TAF4B: variants seen among roughly 807,000 people sequenced by gnomAD.
TAF4B encodes the protein transcription initiation factor TFIID subunit 4B.
Under a neutral mutation model 86.4 loss-of-function variants are expected in TAF4B, and 38 were observed. The observed-to-expected ratio is 0.44, with a 90% CI of 0.34 to 0.58. TAF4B has a LOEUF of 0.58. TAF4B is among the 20% of genes least tolerant of loss of function. TAF4B has a pLI of 0.02. For missense variants in TAF4B, 988 were observed against 1,027.6 expected (o/e 0.96, Z 0.53); for synonymous variants, 388 against 391.2 (o/e 0.99, Z 0.10).
At chr18:26,386,284 T>C (rs1978361554) in intron 14 of TAF4B, among the ~76,000 whole-genome samples, 1 of 152,186 alleles carries the variant, frequency 6.6e-6, no homozygotes, top group Non-Finnish European at 1.5e-5. Context: ...GACCCCTTTG[T>C]TCCTTACTCA....
intron 1 of TAF4B, among the ~76,000 whole-genome samples, chr18:26,237,455 A>G (rs963922261): frequency 5.3e-5 from 8 of 152,164 alleles, no homozygotes; most frequent in African/African-American, 1.9e-4. Flanking sequence ...CCCTTCCCCT[A>G]CAGCTTGAAG....
intron 1 of TAF4B, among the ~76,000 whole-genome samples, chr18:26,227,920 C>G (rs1258950031): frequency 6.6e-6 from 1 of 152,224 alleles, no homozygotes; most frequent in African/African-American, 2.4e-5. Context: ...TAATGCTGTT[C>G]CTGCACAATC....
rs12456302 is a variant in TAF4B at position 26,242,680 on chromosome 18, C to T, written c.343+15404C>T. 3.4e-3 allele frequency among the ~76,000 whole-genome samples: 513 copies of T among 152,214 alleles called. 8 individuals are homozygous for T. The highest frequency in any genetic ancestry group is 0.029 in the Admixed American group (443 of 15,292). On this transcript the variant is annotated intron_variant, in intron 1 of 14. Coordinates refer to ENST00000269142, the MANE Select transcript of TAF4B (RefSeq NM_005640.3). ...AGTTGATGCAGTTTCTTCCTAGCAT[C>T]GATGGTCTTTACAATTTGGCATGTT... is the stretch of plus-strand genomic sequence containing the variant.
intron 1 of TAF4B, among the ~76,000 whole-genome samples, chr18:26,237,008 G>A (rs2055759271): frequency 6.6e-6 from 1 of 152,116 alleles, no homozygotes; most frequent in Admixed American, 6.5e-5. Context: ...CCTGAGTTAT[G>A]GTGGACATCA....
intron 6 of TAF4B, 117 bp from the exon 7 acceptor site, chr18:26,285,765 G>A: frequency 7.8e-7 from 1 of 1,276,102 alleles, no homozygotes; most frequent in Non-Finnish European, 1.1e-6. Flanking sequence ...GTCTTCAACT[G>A]AAATACTTGA....
intron 14 of TAF4B, among the ~76,000 whole-genome samples, chr18:26,360,189 CTAAG>C (rs2057319193): frequency 6.6e-6 from 1 of 152,122 alleles, no homozygotes. Context: ...AAATTACCCT[CTAAG>C]TTGTATCAGT....
rs1329764179 is a variant in TAF4B, at chr18:26,327,023, A to G, written c.2142A>G (p.Glu714=). ...TTTCTTTTTTTTCCCAGGCAAGTGA[A>G]AATTACATCCTGTGTAGTGATACCA... is the stretch of plus-strand genomic sequence containing the variant. ...QHRMTTYKAS[E]NYILCSDTRS... is the part of the protein sequence containing the mutation. The change falls in exon 12 of 15, where the codon GAA becomes GAG. Residue 714 remains glutamate (E), a synonymous_variant. Transcript: ENST00000269142. 6.8e-6 allele frequency: 11 copies of G among 1,612,408 alleles called. No homozygotes were observed. Among genetic ancestry groups the G allele is most frequent in the Admixed American group, 1.7e-5 (1 of 59,888 alleles).
intron 3 of TAF4B, among the ~76,000 whole-genome samples, chr18:26,271,520 C>T (rs2056318798): frequency 1.3e-5 from 2 of 152,244 alleles, no homozygotes; most frequent in South Asian, 4.1e-4. Flanking sequence ...TACTTCAGTC[C>T]GTTTTCCTCC....
chr18:26,333,106 A>G (rs1339554972), intron 12 of TAF4B, among the ~76,000 whole-genome samples: 2 of 151,812 alleles, frequency 1.3e-5, no homozygotes, highest in African/African-American at 4.8e-5. Context: ...CTTCCCTACT[A>G]TCCTAGCTAC....
intron 1 of TAF4B, among the ~76,000 whole-genome samples, chr18:26,250,701 G>T (rs140763509): frequency 1.8e-4 from 27 of 152,022 alleles, no homozygotes; most frequent in Admixed American, 8.5e-4. Context: ...ATATTCTGTG[G>T]GTTTAGTTTT....
chr18:26,322,037 G>A (rs2144677734), intron 11 of TAF4B, among the ~76,000 whole-genome samples: 1 of 152,224 alleles, frequency 6.6e-6, no homozygotes, highest in South Asian at 2.1e-4. Flanking sequence ...GATTAGGGAT[G>A]AAAAGAGAAG....
chr18:26,246,525 C>T (rs549832625), intron 1 of TAF4B, among the ~76,000 whole-genome samples: 10 of 149,202 alleles, frequency 6.7e-5, no homozygotes, highest in South Asian at 2.1e-4. Flanking sequence ...AGTTATTAAT[C>T]TCATTGTTTT....
intron 12 of TAF4B, among the ~76,000 whole-genome samples, chr18:26,328,799 T>C (rs950167674): frequency 2.0e-5 from 3 of 151,952 alleles, no homozygotes; most frequent in African/African-American, 4.8e-5. Flanking sequence ...TTTTGTATTT[T>C]AGTAGTGACA....
chr18:26,231,018 G>GTGGTGTGTT (rs1235798996), intron 1 of TAF4B, among the ~76,000 whole-genome samples: 3 of 137,430 alleles, frequency 2.2e-5, no homozygotes, highest in Non-Finnish European at 3.2e-5. Context: ...TGACAAACTT[G>GTGGTGTGTT]TGGTGTGTTG....
At chr18:26,301,250 T>C (rs1000662614) in intron 9 of TAF4B, among the ~76,000 whole-genome samples, 7 of 152,058 alleles carry the variant, frequency 4.6e-5, no homozygotes, top group Non-Finnish European at 8.8e-5. Context: ...ATTGTAGTTA[T>C]TTTATTGTGT....
At chr18:26,234,906 C>T (rs542076209) in intron 1 of TAF4B, among the ~76,000 whole-genome samples, 2 of 152,232 alleles carry the variant, frequency 1.3e-5, no homozygotes, top group Non-Finnish European at 2.9e-5. Flanking sequence ...GTAGTCCAGA[C>T]AGTGAGATCC....
In TAF4B at chr18:26,286,385, G is replaced by T. The variant is rs3744961; in HGVS notation, c.1476G>T (p.Gly492=). Residue 492 remains glycine (G), a synonymous_variant, in exon 7 of 15, where the codon GGG becomes GGT. Coordinates refer to ENST00000269142, the MANE Select transcript of TAF4B (RefSeq NM_005640.3). ...TGAAACCTGTTGTTTCTTCTGCTGG[G>T]ACCACATCTGACAAGCCTGTTATTG... The part of the protein sequence containing the change: ...PSVKPVVSSA[G]TTSDKPVIGT... The T allele has an allele frequency of 7.4e-6, 12 of 1,613,986 alleles. No homozygotes were observed. The highest frequency in any genetic ancestry group is 1.0e-5 in the Non-Finnish European group (12 of 1,180,034).
rs116594128 is a variant in TAF4B, at chr18:26,362,245, C to T, written c.2421+4451C>T. 4.3e-3 allele frequency among the ~76,000 whole-genome samples: 652 copies of T among 152,204 alleles called. 3 individuals carry two copies. The highest frequency in any genetic ancestry group is 0.015 in the African/African-American group (623 of 41,506). On this transcript the variant is annotated intron_variant, in intron 14 of 14. Coordinates refer to ENST00000269142, the MANE Select transcript of TAF4B (RefSeq NM_005640.3). ...CCCCACCTGTAAAATGGGCATATTG[C>T]CTGTCTTATGTTTTAAGGATTGGTT... is the stretch of plus-strand genomic sequence containing the variant.
chr18:26,361,130 A>G (rs1267796464), intron 14 of TAF4B, among the ~76,000 whole-genome samples: 1 of 151,970 alleles, frequency 6.6e-6, no homozygotes, highest in Non-Finnish European at 1.5e-5. Context: ...TGTTAAACAC[A>G]TTCACGTTGT....
Sources: gnomAD v4.1 joint callset for allele counts (sites outside exome capture counted in the v4.1 genomes callset) on GRCh38, gnomAD v4.1.1 for gene constraint, MANE v1.5 for transcripts, NCBI Gene and HGNC (gene_info 2026-07-23, HGNC 2026-07-21) for gene names.